CD200R1L: variants seen among roughly 807,000 people sequenced by gnomAD.
CD200R1L encodes CD200 receptor 1 like, also known as cell surface glycoprotein CD200 receptor 2.
CD200R1L carries 14 observed loss-of-function variants against 24.8 expected under a neutral mutation model. That is an observed-to-expected ratio of 0.56 (90% confidence interval 0.37 to 0.88). The LOEUF is 0.88. Among genes scored for constraint, CD200R1L ranks in the 40% least tolerant of loss-of-function variants. CD200R1L has a pLI of 0.00. For synonymous variants in CD200R1L, 111 were observed against 109.2 expected (o/e 1.02, Z -0.11); for missense variants, 299 against 297.8 (o/e 1.00, Z -0.03).
At chr3:112,829,555 A>G in intron 3 of CD200R1L, 171 bp from the exon 4 acceptor site, 1 of 894,606 alleles carries the variant, frequency 1.1e-6, no homozygotes, top group Non-Finnish European at 1.3e-6. Flanking sequence ...ATTAGAGGAA[A>G]AAACATGTTA....
chr3:112,840,654 G>A (rs1939055830), intron 2 of CD200R1L, among the ~76,000 whole-genome samples: 1 of 152,078 alleles, frequency 6.6e-6, no homozygotes, highest in African/African-American at 2.4e-5. Context: ...CCAAATTGTG[G>A]TCTACACTAA....
chr3:112,822,502 C>CA lies in CD200R1L; in HGVS notation c.617-2608dup, dbSNP rs1309692329. 3.3e-5 allele frequency among the ~76,000 whole-genome samples: 5 copies of CA among 152,288 alleles called. No individual in the cohort carries two copies. In the South Asian group the frequency reaches 6.2e-4, roughly 19 times the overall value. On this transcript the variant is annotated intron_variant, in intron 6 of 7. Transcript: ENST00000488794. ...GAGCCTCCACAAAAACTCTACATGA[C>CA]AGAGTCTGGAGAGCTTCTGGGTTGG...
intron 1 of CD200R1L, 113 bp from the exon 2 acceptor site, chr3:112,846,063 A>G: frequency 4.9e-6 from 1 of 204,856 alleles, no homozygotes; most frequent in Non-Finnish European, 9.8e-6. Context: ...TTTTGAGAGT[A>G]TAAATTACAT....
At chr3:112,845,507 C>T (rs1259852575) in intron 2 of CD200R1L, among the ~76,000 whole-genome samples, 172 bp downstream of exon 2, 1 of 152,208 alleles carries the variant, frequency 6.6e-6, no homozygotes, top group African/African-American at 2.4e-5. Flanking sequence ...CTAGTCAGTA[C>T]ACCACTGGGA....
At chr3:112,839,710 T>G (rs1939036212) in intron 2 of CD200R1L, among the ~76,000 whole-genome samples, 1 of 152,182 alleles carries the variant, frequency 6.6e-6, no homozygotes, top group Non-Finnish European at 1.5e-5. Flanking sequence ...AATTGGAATG[T>G]GAACATATAG....
chr3:112,823,105 A>T (rs1195550389), intron 6 of CD200R1L, among the ~76,000 whole-genome samples: 1 of 152,268 alleles, frequency 6.6e-6, no homozygotes, highest in Non-Finnish European at 1.5e-5. Flanking sequence ...CCAGCTTTGT[A>T]TGTAAAAAGG....
chr3:112,844,498 T>C (rs566281037), intron 2 of CD200R1L, among the ~76,000 whole-genome samples: 72 of 152,238 alleles, frequency 4.7e-4, no homozygotes, highest in African/African-American at 1.7e-3. Flanking sequence ...TTAAAATTAA[T>C]TAAAACAGAG....
At chr3:112,822,560 G>C (rs1007395902) in intron 6 of CD200R1L, among the ~76,000 whole-genome samples, 3 of 152,186 alleles carry the variant, frequency 2.0e-5, no homozygotes, top group African/African-American at 7.2e-5. Flanking sequence ...ACACTGAGGG[G>C]CTGGGAGGTT....
intron 4 of CD200R1L, among the ~76,000 whole-genome samples, chr3:112,828,022 A>G (rs1409064091): frequency 6.6e-6 from 1 of 152,224 alleles, no homozygotes; most frequent in Admixed American, 6.5e-5. Flanking sequence ...AATTTAAACA[A>G]CAAAGGCAAT....
chr3:112,843,153 T>C (rs1215575694), intron 2 of CD200R1L, among the ~76,000 whole-genome samples: 1 of 152,132 alleles, frequency 6.6e-6, no homozygotes, highest in Non-Finnish European at 1.5e-5. Flanking sequence ...TTTGAGGATA[T>C]AGTCAACAAA....
At chr3:112,823,124 CTACTGAA>C in intron 6 of CD200R1L, among the ~76,000 whole-genome samples, 1 of 152,256 alleles carries the variant, frequency 6.6e-6, no homozygotes, top group East Asian at 1.9e-4. Context: ...GGGTATAATC[CTACTGAA>C]TTTGTTTTCT....
intron 4 of CD200R1L, 49 bp from the exon 5 acceptor site, chr3:112,827,733 CT>C: frequency 1.3e-6 from 2 of 1,527,424 alleles, no homozygotes; most frequent in Non-Finnish European, 1.8e-6. Context: ...TGATAAGGAA[CT>C]TCATGTGTTA....
chr3:112,841,364 T>C (rs751911216), intron 2 of CD200R1L: 274 of 401,232 alleles, frequency 6.8e-4, no homozygotes, highest in Non-Finnish European at 1.2e-3. Context: ...AGTGAGCCAA[T>C]TAAACCTCTT....
intron 2 of CD200R1L, chr3:112,841,439 G>T (rs1376849704): frequency 7.1e-6 from 2 of 282,618 alleles, no homozygotes; most frequent in African/African-American, 4.5e-5. Flanking sequence ...CTAATACATG[G>T]TTACTTAATG....
intron 7 of CD200R1L, among the ~76,000 whole-genome samples, chr3:112,816,463 A>G (rs897782453): frequency 6.6e-6 from 1 of 152,228 alleles, no homozygotes; most frequent in Non-Finnish European, 1.5e-5. Context: ...TTTGTTGGCC[A>G]AAGCAAACTG....
rs746863805 is a variant in CD200R1L, at chr3:112,827,372, A to C, written c.362T>G (p.Val121Gly). The change falls in exon 5 of 8, where the codon GTG becomes GGG. Residue 121 changes from valine to glycine, a missense_variant. Val to Gly is a moderately radical substitution (Grantham distance 109). Transcript: ENST00000488794. ...CAGTATGTGATGCTCCTTACCTAAC[A>C]CTTGGAGGTGATATCCACGATGGAA... ...GNFHRGYHLQ[V>G]LVTPEVNLFQ... The C allele has an allele frequency of 6.2e-7, 1 of 1,613,184 alleles. No homozygotes were observed. Among genetic ancestry groups the C allele is most frequent in the African/African-American group, 1.3e-5 (1 of 75,010 alleles).
chr3:112,835,376 G>T (rs1299683983), intron 3 of CD200R1L, among the ~76,000 whole-genome samples: 1 of 152,152 alleles, frequency 6.6e-6, no homozygotes, highest in Non-Finnish European at 1.5e-5. Context: ...CCTATAGTGG[G>T]CAGGTGCTCT....
intron 6 of CD200R1L, among the ~76,000 whole-genome samples, chr3:112,822,581 G>C (rs1177712196): frequency 6.6e-6 from 1 of 152,188 alleles, no homozygotes; most frequent in Non-Finnish European, 1.5e-5. Context: ...GGCACTCCCA[G>C]AGACATCACG....
At position 112,845,786 on chromosome 3, in the gene CD200R1L, T is replaced by A; in HGVS notation, c.-194A>T. On this transcript the variant is annotated 5_prime_UTR_variant, in exon 2 of 8. It removes the in-frame stop codon of an upstream open reading frame in the 5' UTR. Transcript: ENST00000488794. ...TAAACATAAATCCACTTTAAATCAA[T>A]CAACAGACTTGGTGAATCTGTTTCT... 7.4e-7 allele frequency: 1 copy of A among 1,342,294 alleles called. No individual in the cohort carries two copies. The highest frequency in any genetic ancestry group is 1.1e-6 in the Non-Finnish European group (1 of 937,770). The allele number at this position is 1,342,294 out of a possible 1,614,324, so 83.1% of individuals were successfully genotyped here.
Sources: gnomAD v4.1 joint callset for allele counts (sites outside exome capture counted in the v4.1 genomes callset) on GRCh38, gnomAD v4.1.1 for gene constraint, MANE v1.5 for transcripts, NCBI Gene and HGNC (gene_info 2026-07-23, HGNC 2026-07-21) for gene names.